The following SIPA1L1 variants were observed in gnomAD, a reference collection of about 807,000 sequenced individuals.
The protein encoded by SIPA1L1 is signal induced proliferation associated 1 like 1, also known as signal-induced proliferation-associated 1-like protein 1.
A neutral mutation model predicts 162.7 loss-of-function variants in SIPA1L1; 26 were observed. The ratio of observed to expected loss-of-function variants is 0.16; its 90% CI spans 0.12 to 0.22. SIPA1L1 has a LOEUF of 0.22. Among genes scored for constraint, SIPA1L1 ranks in the 10% least tolerant of loss-of-function variants. SIPA1L1 has a pLI of 1.00. For missense variants in SIPA1L1, 1,874 were observed against 2,241.0 expected (o/e 0.84, Z 3.31); for synonymous variants, 829 against 837.4 (o/e 0.99, Z 0.17).
At chr14:71,450,307 T>C (rs1402514297) in intron 2 of SIPA1L1, among the ~76,000 whole-genome samples, 1 of 152,174 alleles carries the variant, frequency 6.6e-6, no homozygotes, top group Non-Finnish European at 1.5e-5. Context: ...TTAATTTACT[T>C]CCTAAGGTGT....
At chr14:71,541,497 T>A (rs1362800225) in intron 4 of SIPA1L1, among the ~76,000 whole-genome samples, 3 of 152,258 alleles carry the variant, frequency 2.0e-5, no homozygotes, top group Non-Finnish European at 2.9e-5. Context: ...CGGCAGCTCA[T>A]GCCTATAATC....
chr14:71,324,875 G>GAGA (rs1391603721), intron 2 of SIPA1L1, among the ~76,000 whole-genome samples: 1 of 152,154 alleles, frequency 6.6e-6, no homozygotes, highest in Admixed American at 6.5e-5. Flanking sequence ...GGCTGGGGGT[G>GAGA]TTAGGTGGAG....
At chr14:71,452,880 T>C (rs2045928756) in intron 2 of SIPA1L1, among the ~76,000 whole-genome samples, 1 of 152,230 alleles carries the variant, frequency 6.6e-6, no homozygotes, top group Non-Finnish European at 1.5e-5. Context: ...AGTTTGACTT[T>C]ATTTCGATAT....
chr14:71,733,893 C>T, intron 21 of SIPA1L1, 81 bp downstream of exon 21: 2 of 1,437,662 alleles, frequency 1.4e-6, no homozygotes, highest in Non-Finnish European at 1.9e-6. Flanking sequence ...CTTCTCTGGA[C>T]ACACTCAAAA....
chr14:71,331,439 A>C (rs1297197736), intron 2 of SIPA1L1, among the ~76,000 whole-genome samples: 1 of 152,244 alleles, frequency 6.6e-6, no homozygotes, highest in Non-Finnish European at 1.5e-5. Context: ...GAATGAGGTA[A>C]GATGATTTTA....
rs1444320980 is a variant in SIPA1L1, at chr14:71,735,307, A to T, written c.5039A>T (p.Asp1680Val). Residue 1680 changes from aspartate (D) to valine (V), a missense_variant, in exon 22 of 24, where the codon GAT becomes GTT. By Grantham distance (152) the Asp-to-Val change is radical. Transcript: ENST00000381232. ...AGAGCCTCATTTTTTGCTGCTAGTG[A>T]TGAAAACCATCGCCCCTTGAGTGCT... ...VQRASFFAAS[D>V]ENHRPLSAAS... The T allele has an allele frequency of 6.2e-7, 1 of 1,613,972 alleles. No homozygotes were observed. Among genetic ancestry groups the T allele is most frequent in the African/African-American group, 1.3e-5 (1 of 74,916 alleles).
Position 71,685,551 on chromosome 14 carries a change from A to G in SIPA1L1, c.3294A>G (p.Gly1098=). ...PMTSRLNAGK[G]DGKMPPPERA... Reference sequence around the variant, plus strand: ...CCTCGCGGCTGAATGCTGGAAAAGGAGATGGGAAGATGCCTCCTCCAGAAA... The same window carrying G: ...CCTCGCGGCTGAATGCTGGAAAAGGGGATGGGAAGATGCCTCCTCCAGAAA... The change falls in exon 13 of 24, where the codon GGA becomes GGG. Residue 1098 remains glycine, a synonymous_variant. Coordinates refer to ENST00000381232, the MANE Select transcript of SIPA1L1 (RefSeq NM_001386936.1). 1.2e-6 allele frequency: 2 copies of G among 1,614,238 alleles called. No individual in the cohort carries two copies. Among genetic ancestry groups the G allele is most frequent in the Non-Finnish European group, 1.7e-6 (2 of 1,180,052 alleles).
intron 2 of SIPA1L1, among the ~76,000 whole-genome samples, chr14:71,402,713 T>G: frequency 6.6e-6 from 1 of 152,140 alleles, no homozygotes; most frequent in East Asian, 1.9e-4. Context: ...AATGCCCATG[T>G]CCTAGGATTG....
intron 5 of SIPA1L1, among the ~76,000 whole-genome samples, chr14:71,615,245 G>GT (rs1340851224): frequency 6.6e-6 from 1 of 152,174 alleles, no homozygotes; most frequent in African/African-American, 2.4e-5. Context: ...GAGAAGTTTA[G>GT]TATCATTGGT....
intron 23 of SIPA1L1, among the ~76,000 whole-genome samples, 155 bp from the exon 24 acceptor site, chr14:71,738,863 T>G (rs2085561471): frequency 6.6e-6 from 1 of 152,146 alleles, no homozygotes; most frequent in Non-Finnish European, 1.5e-5. Context: ...TTAGAGTGTC[T>G]TAGCACCTGA....
At chr14:71,687,993 A>G (rs1266577027) in intron 13 of SIPA1L1, among the ~76,000 whole-genome samples, 1 of 152,192 alleles carries the variant, frequency 6.6e-6, no homozygotes, top group Non-Finnish European at 1.5e-5. Flanking sequence ...GTGAGATCTC[A>G]GTCCTACAGT....
intron 16 of SIPA1L1, among the ~76,000 whole-genome samples, chr14:71,706,913 G>C (rs528156934): frequency 7.3e-5 from 11 of 151,672 alleles, no homozygotes; most frequent in African/African-American, 2.2e-4. Context: ...CACACCTGTA[G>C]TCCCAGCTAC....
At chr14:71,514,626 G>A (rs2051521873) in intron 3 of SIPA1L1, among the ~76,000 whole-genome samples, 1 of 152,028 alleles carries the variant, frequency 6.6e-6, no homozygotes, top group South Asian at 2.1e-4. Flanking sequence ...GAGTGTGGGG[G>A]CCCAGTCCTG....
chr14:71,489,124 G>T (rs1235951556), intron 2 of SIPA1L1, among the ~76,000 whole-genome samples: 1 of 152,198 alleles, frequency 6.6e-6, no homozygotes, highest in African/African-American at 2.4e-5. Context: ...CTCCCCAGTT[G>T]ATCATTTAAA....
intron 2 of SIPA1L1, among the ~76,000 whole-genome samples, chr14:71,376,143 C>G (rs1438623911): frequency 6.6e-6 from 1 of 151,948 alleles, no homozygotes; most frequent in Non-Finnish European, 1.5e-5. Context: ...ATAGAATTTG[C>G]CAGTGAAATC....
At chr14:71,320,762 G>A (rs2032637029) in intron 1 of SIPA1L1, among the ~76,000 whole-genome samples, 1 of 149,722 alleles carries the variant, frequency 6.7e-6, no homozygotes, top group South Asian at 2.1e-4. Context: ...CCCCGCACTT[G>A]CTTCCCGTAC....
At chr14:71,442,736 T>A (rs2045005996) in intron 2 of SIPA1L1, among the ~76,000 whole-genome samples, 2 of 152,122 alleles carry the variant, frequency 1.3e-5, no homozygotes, top group African/African-American at 4.8e-5. Flanking sequence ...GAGACCAGCC[T>A]GGGCAACATA....
chr14:71,377,713 G>A lies in SIPA1L1; in HGVS notation c.-465+56532G>A, dbSNP rs570126145. Among the ~76,000 whole-genome samples, 2 of 152,340 alleles carry A rather than the reference G, an allele frequency of 1.3e-5. No homozygotes were observed. Among genetic ancestry groups the A allele is most frequent in the Admixed American group, 1.3e-4 (2 of 15,306 alleles). On this transcript the variant is annotated intron_variant, in intron 2 of 23. Transcript: ENST00000381232. The surrounding 1 kb of genome is among the most constrained non-coding windows in gnomAD (Gnocchi z 4.8). ...TTGAGCACTGAGTGAGTGAGACTCC[G>A]TCTGCAATCCTGGCACCTCGGGAGG...
At chr14:71,672,173 A>G (rs1188594386) in intron 11 of SIPA1L1, among the ~76,000 whole-genome samples, 175 bp from the exon 12 acceptor site, 7 of 152,208 alleles carry the variant, frequency 4.6e-5, no homozygotes, top group Admixed American at 4.6e-4. Context: ...TGCAACAAGT[A>G]TATTCCTTTT....
Sources: allele counts gnomAD v4.1 joint callset (sites outside exome capture counted in the v4.1 genomes callset), GRCh38; gene constraint gnomAD v4.1.1; non-coding constraint Gnocchi (gnomAD v3.1); transcripts MANE v1.5; gene names NCBI Gene and HGNC (gene_info 2026-07-23, HGNC 2026-07-21).